ARID1B: variants seen among roughly 807,000 people sequenced by gnomAD.
The protein encoded by ARID1B is AT-rich interaction domain 1B.
In ARID1B, 30 loss-of-function variants were observed where a neutral mutation model predicts 212.3. The observed-to-expected ratio is 0.14, with a 90% CI of 0.11 to 0.19. The LOEUF is 0.19. Among genes scored for constraint, ARID1B ranks in the 10% least tolerant of loss-of-function variants. The pLI is 1.00. For missense variants in ARID1B, 2,891 were observed against 3,204.0 expected, an observed-to-expected ratio of 0.90 and a Z score of 2.36; for synonymous variants, 1,402 against 1,301.7, an observed-to-expected ratio of 1.08 and a Z score of -1.66.
chr6:157,040,926 A>T (rs1382938428), intron 4 of ARID1B, among the ~76,000 whole-genome samples: 1 of 152,190 alleles, frequency 6.6e-6, no homozygotes, highest in Non-Finnish European at 1.5e-5. Flanking sequence ...TTTCCTCTGA[A>T]TTTAAGTAAC....
chr6:156,918,110 T>C (rs548918600), intron 3 of ARID1B, among the ~76,000 whole-genome samples: 1 of 152,310 alleles, frequency 6.6e-6, no homozygotes, highest in Admixed American at 6.5e-5. Flanking sequence ...GAAAAAATAC[T>C]TTTTTTAAAG....
In ARID1B at chr6:157,123,668, C is replaced by A. The variant is rs572365510; in HGVS notation, c.2582-9360C>A. On this transcript the variant is annotated intron_variant, in intron 6 of 19. Transcript: ENST00000636930. Reference sequence around the variant, plus strand: ...CACTGATGAATGGTTTGTAGGGAAACCTGGCAAGAGAAATTAGTTTGGAAA... The same window carrying A: ...CACTGATGAATGGTTTGTAGGGAAAACTGGCAAGAGAAATTAGTTTGGAAA... Among the ~76,000 whole-genome samples, 14 of 152,250 alleles carry A rather than the reference C, an allele frequency of 9.2e-5. No homozygotes were observed. In the South Asian group the frequency reaches 2.5e-3, roughly 27 times the overall value.
chr6:157,026,528 C>T (rs914483265), intron 4 of ARID1B, among the ~76,000 whole-genome samples: 6 of 152,168 alleles, frequency 3.9e-5, no homozygotes, highest in Non-Finnish European at 5.9e-5. Context: ...GCCTTCTTCT[C>T]GGGGCCAGTC....
At chr6:157,122,255 C>A (rs543156678) in intron 6 of ARID1B, among the ~76,000 whole-genome samples, 1 of 152,116 alleles carries the variant, frequency 6.6e-6, no homozygotes, top group South Asian at 2.1e-4. Flanking sequence ...CCTAGACTTA[C>A]GCGAACACTG....
chr6:157,109,705 A>G lies in ARID1B; in HGVS notation c.2492-767A>G, dbSNP rs1375697048. ...CTCATTATCTCTCTTTTATCAGTAT[A>G]GTAAGAAGTATCTTCCTTTAAATAA... On this transcript the variant is annotated intron_variant, in intron 5 of 19. Coordinates refer to ENST00000636930, the MANE Select transcript of ARID1B (RefSeq NM_001374828.1). Among the ~76,000 whole-genome samples, 3 of 152,220 alleles carry G rather than the reference A, an allele frequency of 2.0e-5. No homozygotes were observed. In the East Asian group the frequency reaches 5.8e-4, roughly 29 times the overall value.
At position 157,133,220 on chromosome 6, in the gene ARID1B, C is replaced by A; in HGVS notation, c.2761+13C>A. On this transcript the variant is annotated intron_variant, in intron 7 of 19. Coordinates refer to ENST00000636930, the MANE Select transcript of ARID1B (RefSeq NM_001374828.1). Reference sequence around the variant, plus strand: ...TATGGACCACAAGGTAAAACCAAAGCTTCTCCAAAATGCATGGCAGCAAGT... The same window carrying A: ...TATGGACCACAAGGTAAAACCAAAGATTCTCCAAAATGCATGGCAGCAAGT... 1 of 1,572,696 alleles carries A rather than the reference C, an allele frequency of 6.4e-7. No homozygotes were observed. The highest frequency in any genetic ancestry group is 8.6e-7 in the Non-Finnish European group (1 of 1,163,806).
At chr6:157,153,737 G>A (rs1027389748) in intron 8 of ARID1B, among the ~76,000 whole-genome samples, 12 of 152,178 alleles carry the variant, frequency 7.9e-5, no homozygotes, top group African/African-American at 2.7e-4. Flanking sequence ...CTGGGCTCAA[G>A]CAATTCTCCC....
chr6:157,152,162 C>A (rs1790245638), intron 8 of ARID1B: 1 of 152,198 alleles, frequency 6.6e-6, no homozygotes. Flanking sequence ...TCCATAGGAT[C>A]TGTCCTTTTA....
chr6:156,951,342 T>A (rs1421935058), intron 4 of ARID1B, among the ~76,000 whole-genome samples: 1 of 152,164 alleles, frequency 6.6e-6, no homozygotes, highest in Non-Finnish European at 1.5e-5. Flanking sequence ...CAGTTACTGA[T>A]GAATAATGAT....
intron 4 of ARID1B, among the ~76,000 whole-genome samples, chr6:156,979,768 G>T (rs1027389253): frequency 2.0e-5 from 3 of 152,186 alleles, no homozygotes; most frequent in African/African-American, 7.2e-5. Context: ...ACATTGGCCA[G>T]GATGATCTCT....
chr6:156,987,244 G>A (rs765400200), intron 4 of ARID1B, among the ~76,000 whole-genome samples: 25 of 151,646 alleles, frequency 1.6e-4, no homozygotes, highest in Non-Finnish European at 3.1e-4. Flanking sequence ...TATAAGATGG[G>A]GTCACCTGTT....
intron 5 of ARID1B, among the ~76,000 whole-genome samples, chr6:157,085,179 T>A (rs1784886808): frequency 6.6e-6 from 1 of 152,252 alleles, no homozygotes; most frequent in Non-Finnish European, 1.5e-5. Context: ...TTATTTATCC[T>A]CTTAGCATAT....
At chr6:156,890,397 A>C (rs1447560690) in intron 2 of ARID1B, among the ~76,000 whole-genome samples, 2 of 152,232 alleles carry the variant, frequency 1.3e-5, no homozygotes, top group Non-Finnish European at 2.9e-5. Flanking sequence ...CTTGTTACTG[A>C]TAAAAAATGA....
chr6:157,057,396 A>G (rs902971745), intron 4 of ARID1B, among the ~76,000 whole-genome samples: 2 of 151,820 alleles, frequency 1.3e-5, no homozygotes, highest in Admixed American at 6.6e-5. Context: ...AAAAAAATCA[A>G]TCTTTTCAAT....
At chr6:157,021,982 C>T (rs181516935) in intron 4 of ARID1B, among the ~76,000 whole-genome samples, 117 of 152,356 alleles carry the variant, frequency 7.7e-4, no homozygotes, top group Non-Finnish European at 1.4e-3. Flanking sequence ...TGGTGCATCT[C>T]TTTCCCCCTC....
intron 1 of ARID1B, among the ~76,000 whole-genome samples, chr6:156,809,099 G>A (rs1781383873): frequency 6.6e-6 from 1 of 152,246 alleles, no homozygotes; most frequent in East Asian, 1.9e-4. Context: ...AGTATCAGGT[G>A]TCTTTTTTTT....
At chr6:156,874,773 A>G (rs879319409) in intron 2 of ARID1B, among the ~76,000 whole-genome samples, 1 of 151,910 alleles carries the variant, frequency 6.6e-6, no homozygotes, top group Admixed American at 6.6e-5. Context: ...AACCCTGGCT[A>G]CTCCTCAAAA....
At chr6:157,021,189 T>C (rs1259375087) in intron 4 of ARID1B, among the ~76,000 whole-genome samples, 2 of 152,216 alleles carry the variant, frequency 1.3e-5, no homozygotes, top group Non-Finnish European at 2.9e-5. Flanking sequence ...AGGCCTCGCT[T>C]TCCGGTCCTC....
At chr6:156,783,065 A>T (rs372050312) in intron 1 of ARID1B, among the ~76,000 whole-genome samples, 1 of 152,008 alleles carries the variant, frequency 6.6e-6, no homozygotes, top group Admixed American at 6.6e-5. Context: ...AGTATATGCT[A>T]GGGACTAGCA....
Sources: gnomAD v4.1 joint callset for allele counts (sites outside exome capture counted in the v4.1 genomes callset) on GRCh38, gnomAD v4.1.1 for gene constraint, MANE v1.5 for transcripts, NCBI Gene and HGNC (gene_info 2026-07-23, HGNC 2026-07-21) for gene names.